Variants in CR1L observed in about 807,000 individuals in gnomAD.
CR1L encodes the protein complement C3b/C4b receptor 1 like.
In CR1L, 59 loss-of-function variants were observed where a neutral mutation model predicts 62.3. The ratio of observed to expected loss-of-function variants is 0.95; its 90% CI spans 0.77 to 1.18. The LOEUF (loss-of-function observed/expected upper bound fraction) is 1.18, where lower values mean the gene tolerates loss of function less well. Among genes scored for constraint, CR1L ranks in the 50% most tolerant of loss-of-function variants. The pLI, the probability that CR1L is intolerant of heterozygous loss-of-function variation, is 0.00. For synonymous variants in CR1L, 279 were observed against 248.7 expected (o/e 1.12, Z -1.15); for missense variants, 700 against 702.8 (o/e 1.00, Z 0.04).
chr1:207,701,536 C>T lies in CR1L; in HGVS notation c.1246C>T (p.Pro416Ser). The T allele has an allele frequency of 6.2e-7, 1 of 1,613,828 alleles. No individual in the cohort carries two copies. Among genetic ancestry groups the T allele is most frequent in the Non-Finnish European group, 8.5e-7 (1 of 1,179,752 alleles). ...PVCERKSCETPPVPVNGMVHV... is the reference protein window; with the variant it reads ...PVCERKSCETSPVPVNGMVHV... The stretch of plus-strand genomic sequence containing the variant: ...TCCCACAGGTAAATCATGTGAAACT[C>T]CTCCAGTTCCAGTGAATGGCATGGT... Residue 416 changes from proline to serine, a missense_variant, in exon 9 of 12, where the codon CCT becomes TCT. Pro to Ser is a moderately conservative substitution (Grantham distance 74). Coordinates refer to ENST00000508064, the MANE Select transcript of CR1L (RefSeq NM_175710.2).
intron 1 of CR1L, 141 bp downstream of exon 1, chr1:207,645,471 G>T: frequency 8.7e-6 from 8 of 917,442 alleles, no homozygotes; most frequent in Non-Finnish European, 1.4e-5. Flanking sequence ...TCCGAGGGGT[G>T]CCGTGCTCAG....
At chr1:207,659,694 G>C (rs1409517235) in intron 1 of CR1L, among the ~76,000 whole-genome samples, 7 of 152,166 alleles carry the variant, frequency 4.6e-5, no homozygotes, top group African/African-American at 1.7e-4. Flanking sequence ...CTGAAGCAGA[G>C]CGGGATGTCA....
At chr1:207,702,996 A>C (rs1326290244) in intron 9 of CR1L, among the ~76,000 whole-genome samples, 1 of 152,214 alleles carries the variant, frequency 6.6e-6, no homozygotes, top group Non-Finnish European at 1.5e-5. Flanking sequence ...AGGCATGAGA[A>C]TAACTTGAAC....
At chr1:207,717,318 C>T (rs993159472) in intron 10 of CR1L, 146 bp from the exon 11 acceptor site, 44 of 964,276 alleles carry the variant, frequency 4.6e-5, no homozygotes, top group Admixed American at 2.4e-4. Context: ...CAACAAAAGC[C>T]TTACAGATTT....
chr1:207,704,505 T>G (rs554833997), intron 9 of CR1L, among the ~76,000 whole-genome samples: 5 of 152,296 alleles, frequency 3.3e-5, no homozygotes, highest in African/African-American at 1.2e-4. Flanking sequence ...TAAAATGTTA[T>G]CAAACAGCAT....
intron 8 of CR1L, among the ~76,000 whole-genome samples, chr1:207,700,927 C>G (rs1830762): frequency 6.6e-6 from 1 of 152,132 alleles, no homozygotes; most frequent in Non-Finnish European, 1.5e-5. Flanking sequence ...TAAACTTGCA[C>G]TGGATCTTTC....
At chr1:207,650,649 A>T (rs1663208120) in intron 1 of CR1L, among the ~76,000 whole-genome samples, 1 of 152,204 alleles carries the variant, frequency 6.6e-6, no homozygotes, top group Non-Finnish European at 1.5e-5. Flanking sequence ...TTTCATTGCC[A>T]TTTCACTTGT....
At chr1:207,687,748 C>A (rs1164486097) in intron 4 of CR1L, among the ~76,000 whole-genome samples, 3 of 152,050 alleles carry the variant, frequency 2.0e-5, no homozygotes, top group Admixed American at 2.0e-4. Flanking sequence ...AGGGCCTATT[C>A]CAAACTTTTG....
At chr1:207,661,036 A>T (rs541855015) in intron 1 of CR1L, among the ~76,000 whole-genome samples, 90 of 152,298 alleles carry the variant, frequency 5.9e-4, no homozygotes, top group African/African-American at 2.1e-3. Flanking sequence ...CTTTTCTTTT[A>T]CATTTGCTGT....
Position 207,707,896 on chromosome 1 carries a change from G to A in CR1L, c.1329-282G>A, listed in dbSNP as rs181786864. On this transcript the variant is annotated intron_variant, in intron 9 of 11. Transcript: ENST00000508064. ...CAGAACTTAAGAAAGAAATTGTCAA[G>A]CAGGTCTACAAAATGATTGTTTTAT... Among the ~76,000 whole-genome samples, 374 of 151,028 alleles carry A rather than the reference G, an allele frequency of 2.5e-3. 1 individual carries two copies. Among genetic ancestry groups the A allele is most frequent in the Middle Eastern group, 0.01 (3 of 290 alleles).
At chr1:207,712,013 G>A (rs577484311) in intron 10 of CR1L, among the ~76,000 whole-genome samples, 4 of 152,318 alleles carry the variant, frequency 2.6e-5, no homozygotes, top group African/African-American at 9.6e-5. Flanking sequence ...GCTGACTCTG[G>A]GCACATTGCC....
At chr1:207,711,465 C>T (rs539977408) in intron 10 of CR1L, 3 of 154,168 alleles carry the variant, frequency 1.9e-5, no homozygotes, top group South Asian at 2.0e-4. Context: ...AGGCAGATGG[C>T]GATGAAAGCA....
intron 4 of CR1L, among the ~76,000 whole-genome samples, chr1:207,693,687 G>T (rs1470000988): frequency 1.3e-5 from 2 of 151,756 alleles, no homozygotes; most frequent in African/African-American, 2.4e-5. Flanking sequence ...TATACCTCTT[G>T]TGTGTTGTGA....
chr1:207,702,234 T>C (rs1195612578), intron 9 of CR1L, among the ~76,000 whole-genome samples: 1 of 152,234 alleles, frequency 6.6e-6, no homozygotes, highest in African/African-American at 2.4e-5. Flanking sequence ...TCTTTGATGT[T>C]ACTATTTTCA....
At chr1:207,684,615 T>C (rs186616351) in intron 4 of CR1L, among the ~76,000 whole-genome samples, 5 of 152,216 alleles carry the variant, frequency 3.3e-5, no homozygotes, top group East Asian at 1.9e-4. Flanking sequence ...AAACATGAAA[T>C]AGCTATGCAG....
At chr1:207,714,266 A>T (rs527809561) in intron 10 of CR1L, among the ~76,000 whole-genome samples, 1 of 152,332 alleles carries the variant, frequency 6.6e-6, no homozygotes, top group South Asian at 2.1e-4. Flanking sequence ...GTTGGTGAGT[A>T]TGCAAAAAAG....
intron 1 of CR1L, among the ~76,000 whole-genome samples, chr1:207,672,177 G>A (rs2102454493): frequency 6.6e-6 from 1 of 150,630 alleles, no homozygotes; most frequent in African/African-American, 2.5e-5. Context: ...TATATTAAAA[G>A]TAAATGGGTA....
In CR1L at chr1:207,694,745, T is replaced by C. The variant is rs1044838155; in HGVS notation, c.856T>C (p.Ser286Pro). The change falls in exon 5 of 12, where the codon TCC (serine) becomes CCC (proline). Residue 286 changes from serine (S) to proline (P), a missense_variant. By Grantham distance (74) the Ser-to-Pro change is moderately conservative. Transcript: ENST00000508064. ...NKWEPELPSCSRVCQPPPDVL... is the reference protein window; with the variant it reads ...NKWEPELPSCPRVCQPPPDVL... ...ATGGGAGCCAGAGTTACCAAGCTGC[T>C]CCAGGGGTGAGTCTGACTGAGGCCT... 6.2e-7 allele frequency: 1 copy of C among 1,611,866 alleles called. No individual in the cohort carries two copies. Among genetic ancestry groups the C allele is most frequent in the African/African-American group, 1.3e-5 (1 of 74,982 alleles).
chr1:207,698,577 G>A (rs1664143590), intron 7 of CR1L, among the ~76,000 whole-genome samples: 1 of 152,200 alleles, frequency 6.6e-6, no homozygotes, highest in South Asian at 2.1e-4. Context: ...GGCTCCAAAA[G>A]CCAGCACCCA....
Sources: gnomAD v4.1 joint callset for allele counts (sites outside exome capture counted in the v4.1 genomes callset) on GRCh38, gnomAD v4.1.1 for gene constraint, MANE v1.5 for transcripts, NCBI Gene and HGNC (gene_info 2026-07-23, HGNC 2026-07-21) for gene names.